The following ANKRD22 variants were observed in gnomAD, a reference collection of about 807,000 sequenced individuals.
The protein encoded by ANKRD22 is ankyrin repeat domain-containing protein 22.
Under a neutral mutation model 25.7 loss-of-function variants are expected in ANKRD22, and 24 were observed. The observed-to-expected ratio is 0.93, with a 90% CI of 0.68 to 1.31. The LOEUF is 1.31. Among genes scored for constraint, ANKRD22 ranks in the 50% most tolerant of loss-of-function variants. The probability of loss-of-function intolerance (pLI) is 0.00; values close to 1 mark genes in which losing one functional copy is unlikely to be tolerated. For synonymous variants in ANKRD22, 84 were observed against 84.3 expected, an observed-to-expected ratio of 1.00 and a Z score of 0.02; for missense variants, 214 against 227.1, an observed-to-expected ratio of 0.94 and a Z score of 0.37.
intron 1 of ANKRD22, among the ~76,000 whole-genome samples, chr10:88,848,809 G>T (rs1844077181): frequency 6.6e-6 from 1 of 152,102 alleles, no homozygotes; most frequent in Non-Finnish European, 1.5e-5. Context: ...TGTATTCCCT[G>T]ACTTCTCCTC....
At chr10:88,829,638 G>A (rs1048563792) in intron 2 of ANKRD22, among the ~76,000 whole-genome samples, 2 of 149,448 alleles carry the variant, frequency 1.3e-5, no homozygotes, top group Non-Finnish European at 3.0e-5. Context: ...TTTAGAATAT[G>A]TACATTTTTC....
At chr10:88,832,079 C>G in intron 1 of ANKRD22, 53 bp from the exon 2 acceptor site, 6 of 1,495,188 alleles carry the variant, frequency 4.0e-6, no homozygotes, top group Non-Finnish European at 5.4e-6. Flanking sequence ...AATTAAACCA[C>G]AAAAACGAAA....
chr10:88,823,097 G>C (rs41284096), intron 5 of ANKRD22, 79 bp from the exon 6 acceptor site: 384 of 1,420,820 alleles, frequency 2.7e-4, no homozygotes, highest in Admixed American at 6.1e-4. Flanking sequence ...TTGACTCTCT[G>C]TGTTGGCAAG....
At position 88,820,553 on chromosome 10, in the gene ANKRD22, ACCC is replaced by A. The variant is rs1487471525; in HGVS notation, c.*2385_*2387del. ...CAACCTCCTGAGGGATGGGGCTAGGACCCATGAAGGCAGAATTACGGAGAGCAG... is the reference window on the plus strand; with the variant it reads ...CAACCTCCTGAGGGATGGGGCTAGGAATGAAGGCAGAATTACGGAGAGCAG... On this transcript the variant is annotated 3_prime_UTR_variant, in exon 6 of 6. Transcript: ENST00000371930. 2.7e-6 allele frequency: 4 copies of A among 1,493,990 alleles called. No homozygotes were observed. Among genetic ancestry groups the A allele is most frequent in the Non-Finnish European group, 3.6e-6 (4 of 1,115,966 alleles). The allele number at this position is 1,493,990 out of a possible 1,614,324, so 92.5% of individuals were successfully genotyped here. A position where few individuals can be genotyped will look rare whatever the true frequency, so the allele number is the denominator to read the frequency against.
chr10:88,833,228 A>G (rs1255268314), intron 1 of ANKRD22, among the ~76,000 whole-genome samples: 1 of 152,200 alleles, frequency 6.6e-6, no homozygotes, highest in African/African-American at 2.4e-5. Context: ...GGAGGCAAAC[A>G]CTGAATATTT....
intron 1 of ANKRD22, among the ~76,000 whole-genome samples, chr10:88,837,172 C>T (rs1203337968): frequency 6.6e-6 from 1 of 152,202 alleles, no homozygotes; most frequent in African/African-American, 2.4e-5. Context: ...CCAATCTCAA[C>T]TCTGCGACTT....
At position 88,821,425 on chromosome 10, in the gene ANKRD22, C is replaced by T. The variant is rs1229884023; in HGVS notation, c.*1516G>A. Among the ~76,000 whole-genome samples the T allele has an allele frequency of 6.6e-6, 1 of 152,182 alleles. No homozygotes were observed. The highest frequency in any genetic ancestry group is 2.4e-5 in the African/African-American group (1 of 41,432). On this transcript the variant is annotated 3_prime_UTR_variant, in exon 6 of 6. Transcript: ENST00000371930. ...TTTCAAAGATGACAGTTGTAAATTA[C>T]ATTGGTACTATTTTGCAAAATCTCT...
At chr10:88,837,327 G>C (rs1843963527) in intron 1 of ANKRD22, among the ~76,000 whole-genome samples, 1 of 152,228 alleles carries the variant, frequency 6.6e-6, no homozygotes, top group African/African-American at 2.4e-5. Context: ...CTGAGTCACA[G>C]TAAACCCTCA....
In ANKRD22 at chr10:88,821,647, T is replaced by G. The variant is rs2297307; in HGVS notation, c.*1294A>C. Among the ~76,000 whole-genome samples, 17 of 152,352 alleles carry G rather than the reference T, an allele frequency of 1.1e-4. No homozygotes were observed. In the East Asian group the frequency reaches 3.3e-3, roughly 29 times the overall value. On this transcript the variant is annotated 3_prime_UTR_variant, in exon 6 of 6. Coordinates refer to ENST00000371930, the MANE Select transcript of ANKRD22 (RefSeq NM_144590.3). The stretch of plus-strand genomic sequence containing the variant: ...ACACACTATTACTTCCTTCATAAAA[T>G]AAGTTTCTTAAATCCTGTACACAGT...
intron 1 of ANKRD22, among the ~76,000 whole-genome samples, chr10:88,834,027 T>C (rs1381995500): frequency 6.6e-6 from 1 of 152,230 alleles, no homozygotes; most frequent in African/African-American, 2.4e-5. Flanking sequence ...CCTTGGGTTT[T>C]CATATTCGAT....
At chr10:88,831,085 G>A (rs572147211) in intron 2 of ANKRD22, among the ~76,000 whole-genome samples, 2 of 152,216 alleles carry the variant, frequency 1.3e-5, no homozygotes, top group South Asian at 2.1e-4. Context: ...GTGTTTTCTC[G>A]CCTTGAATGC....
At chr10:88,846,762 T>C (rs1844052797) in intron 1 of ANKRD22, among the ~76,000 whole-genome samples, 1 of 152,148 alleles carries the variant, frequency 6.6e-6, no homozygotes, top group African/African-American at 2.4e-5. Flanking sequence ...GGTATCCTGA[T>C]TGCCCACAAG....
At position 88,848,795 on chromosome 10, in the gene ANKRD22, T is replaced by C. The variant is rs542949696; in HGVS notation, c.21+2792A>G. ...GGCCATTCAATTAGTCACATCTCTA[T>C]TCCTGTATTCCCTGACTTCTCCTCC... On this transcript the variant is annotated intron_variant, in intron 1 of 5. Transcript: ENST00000371930. Among the ~76,000 whole-genome samples the C allele has an allele frequency of 2.0e-5, 3 of 152,316 alleles. No individual in the cohort carries two copies. The South Asian group carries it at 6.2e-4, about 32-fold the overall frequency.
At position 88,820,330 on chromosome 10, in the gene ANKRD22, G is replaced by A. The variant is rs1473557485; in HGVS notation, c.*2611C>T. On this transcript the variant is annotated 3_prime_UTR_variant, in exon 6 of 6. Transcript: ENST00000371930. ...TTTCAAATCCAGAAGACGTGAAAAT[G>A]CTGCTCTCTGAGGTGACCAACCTCA... is the stretch of plus-strand genomic sequence containing the variant. 6.4e-7 allele frequency: 1 copy of A among 1,552,260 alleles called. No individual in the cohort carries two copies. Among genetic ancestry groups the A allele is most frequent in the East Asian group, 2.4e-5 (1 of 40,926 alleles).
chr10:88,828,431 T>C (rs878969262), intron 3 of ANKRD22, 128 bp downstream of exon 3: 21 of 735,004 alleles, frequency 2.9e-5, no homozygotes, highest in Middle Eastern at 2.4e-4. Context: ...ACATGTCAAT[T>C]ACAGAATACA....
At chr10:88,831,365 A>G (rs1011769318) in intron 2 of ANKRD22, among the ~76,000 whole-genome samples, 1 of 152,200 alleles carries the variant, frequency 6.6e-6, no homozygotes, top group Non-Finnish European at 1.5e-5. Flanking sequence ...TGTCCTTGGT[A>G]AATTTCTCAA....
intron 4 of ANKRD22, among the ~76,000 whole-genome samples, chr10:88,824,911 T>G (rs902175357): frequency 6.6e-6 from 1 of 152,116 alleles, no homozygotes; most frequent in Non-Finnish European, 1.5e-5. Context: ...GCACAGTAAC[T>G]GTCAATACAA....
chr10:88,825,913 G>A, intron 4 of ANKRD22, 125 bp downstream of exon 4: 1 of 822,048 alleles, frequency 1.2e-6, no homozygotes, highest in Non-Finnish European at 1.8e-6. Context: ...AAAAAAAGGA[G>A]AAAATAAAAG....
intron 1 of ANKRD22, among the ~76,000 whole-genome samples, chr10:88,848,716 A>T (rs1844076284): frequency 6.6e-6 from 1 of 152,176 alleles, no homozygotes; most frequent in Admixed American, 6.5e-5. Context: ...AATCCCTTGA[A>T]GTTCCTGGCA....
Sources: gnomAD v4.1 joint callset for allele counts (sites outside exome capture counted in the v4.1 genomes callset) on GRCh38, gnomAD v4.1.1 for gene constraint, MANE v1.5 for transcripts, NCBI Gene and HGNC (gene_info 2026-07-23, HGNC 2026-07-21) for gene names.